The following POGZ variants were observed in gnomAD, a reference collection of about 807,000 sequenced individuals.
POGZ encodes the protein pogo transposable element derived with ZNF domain.
In POGZ, 17 loss-of-function variants were observed where a neutral mutation model predicts 134.6. That is an observed-to-expected ratio of 0.13 (90% CI 0.09 to 0.19). The LOEUF (loss-of-function observed/expected upper bound fraction) is 0.19, where lower values mean the gene tolerates loss of function less well. Ranked by LOEUF, POGZ falls within the 10% of genes least tolerant of loss-of-function variation. POGZ has a pLI of 1.00. For missense variants in POGZ, 1,306 were observed against 1,769.7 expected (o/e 0.74, Z 4.70); for synonymous variants, 693 against 657.1 (o/e 1.05, Z -0.84).
In POGZ at chr1:151,406,203, A is replaced by G. The variant is rs1175476847; in HGVS notation, c.2832T>C (p.Asp944=). Residue 944 remains aspartate, a synonymous_variant, in exon 19 of 19, where the codon GAT becomes GAC. Transcript: ENST00000271715. ...TEGAECLNVD[D]QDEGSPVTQE... ...GGGTGACTGGGCTCCCTTCATCCTG[A>G]TCATCAACATTCAGACATTCGGCTC... The G allele has an allele frequency of 6.2e-7, 1 of 1,613,984 alleles. No homozygotes were observed. Among genetic ancestry groups the G allele is most frequent in the Non-Finnish European group, 8.5e-7 (1 of 1,180,030 alleles).
At chr1:151,411,433 G>A (rs1654651118) in intron 12 of POGZ, among the ~76,000 whole-genome samples, 192 bp downstream of exon 12, 3 of 152,082 alleles carry the variant, frequency 2.0e-5, no homozygotes, top group Admixed American at 1.3e-4. Flanking sequence ...TGTATTGTTT[G>A]CCTTGTTTAC....
chr1:151,456,629 T>A (rs1291656340), intron 1 of POGZ, among the ~76,000 whole-genome samples: 1 of 152,198 alleles, frequency 6.6e-6, no homozygotes, highest in Admixed American at 6.5e-5. Context: ...TTCTTAAAAA[T>A]TAAAAAGACA....
chr1:151,443,001 G>A (rs185897285), intron 1 of POGZ, among the ~76,000 whole-genome samples: 76 of 152,290 alleles, frequency 5.0e-4, no homozygotes, highest in African/African-American at 1.7e-3. Flanking sequence ...CTGCACTCCA[G>A]CCTGGGCAAT....
intron 1 of POGZ, among the ~76,000 whole-genome samples, chr1:151,454,568 C>T (rs1662544346): frequency 1.3e-5 from 2 of 152,048 alleles, no homozygotes; most frequent in Admixed American, 1.3e-4. Context: ...CAAGAAACAC[C>T]CAAATATTTA....
chr1:151,417,564 G>A (rs1178632764), intron 10 of POGZ, among the ~76,000 whole-genome samples: 1 of 151,140 alleles, frequency 6.6e-6, no homozygotes, highest in African/African-American at 2.4e-5. Flanking sequence ...GTTTCACCAC[G>A]TTGGCCAGGC....
intron 3 of POGZ, among the ~76,000 whole-genome samples, chr1:151,437,138 G>T (rs1393039268): frequency 6.6e-6 from 1 of 151,808 alleles, no homozygotes; most frequent in East Asian, 1.9e-4. Flanking sequence ...AGGCTGCAGT[G>T]AGCCGAGATT....
chr1:151,449,788 C>A (rs376517847), intron 1 of POGZ, among the ~76,000 whole-genome samples: 10 of 151,984 alleles, frequency 6.6e-5, no homozygotes, highest in Admixed American at 5.2e-4. Context: ...CCCAGCTACT[C>A]GGGAGGCTGG....
chr1:151,450,023 A>ATTTTTTTTT (rs1171783071), intron 1 of POGZ, among the ~76,000 whole-genome samples: 1 of 74,326 alleles, frequency 1.3e-5, no homozygotes, highest in Non-Finnish European at 2.4e-5. Flanking sequence ...GTGAAACTTG[A>ATTTTTTTTT]TTTTTTTTTT....
In POGZ at chr1:151,425,031, T is replaced by C. The variant is rs1465731262; in HGVS notation, c.1109A>G (p.Gln370Arg). The C allele has an allele frequency of 6.3e-7, 1 of 1,590,962 alleles. No homozygotes were observed. The highest frequency in any genetic ancestry group is 8.6e-7 in the Non-Finnish European group (1 of 1,163,172). ...VTSSIPVFDL[Q>R]DGGRKICPRC... ...TGGACATATTTTCCGTCCACCATCC[T>C]GGAGGTCAAATACTGGGATGGAAGA... The change falls in exon 8 of 19, where the codon CAG becomes CGG. Residue 370 changes from glutamine (Q) to arginine (R), a missense_variant. Around this residue, in one of 10 missense-constraint regions of POGZ, gnomAD observed 541 missense variants for 680.5 expected, o/e 0.80. Coordinates refer to ENST00000271715, the MANE Select transcript of POGZ (RefSeq NM_015100.4).
chr1:151,410,336 ATG>A (rs1403004151), intron 12 of POGZ, among the ~76,000 whole-genome samples: 2 of 152,228 alleles, frequency 1.3e-5, no homozygotes, highest in Non-Finnish European at 2.9e-5. Flanking sequence ...TTCTGCTGAA[ATG>A]TGACTTCCAC....
At chr1:151,441,940 G>C (rs1236819348) in intron 2 of POGZ, 141 bp downstream of exon 2, 2 of 580,492 alleles carry the variant, frequency 3.4e-6, no homozygotes, top group Non-Finnish European at 6.0e-6. Context: ...CTAGAGCATG[G>C]GAAAAAAGGC....
rs772753679 is a variant in POGZ at position 151,411,675 on chromosome 1, T to C, written c.1876A>G (p.Lys626Glu). The change falls in exon 12 of 19, where the codon AAG (lysine) becomes GAG (glutamate). Residue 626 changes from lysine (K) to glutamate (E), a missense_variant. By Grantham distance (56) the Lys-to-Glu change is moderately conservative (BLOSUM62 1). This residue lies in a region of POGZ where 149 missense variants were observed against 237.5 expected (regional missense o/e 0.63). Coordinates refer to ENST00000271715, the MANE Select transcript of POGZ (RefSeq NM_015100.4). The part of the protein sequence containing the change: ...TRHLLCPYCL[K>E]VFKNGNAFQQ... The stretch of plus-strand genomic sequence containing the variant: ...AATGCATTGCCATTTTTGAAGACCT[T>C]CAGGCAATAAGGGCAGAGCAGATGC... 2 of 1,613,550 alleles carry C rather than the reference T, an allele frequency of 1.2e-6. No individual in the cohort carries two copies. The highest frequency in any genetic ancestry group is 1.7e-6 in the Non-Finnish European group (2 of 1,179,772).
intron 1 of POGZ, among the ~76,000 whole-genome samples, chr1:151,444,487 A>C (rs903392593): frequency 2.0e-5 from 3 of 152,344 alleles, no homozygotes; most frequent in African/African-American, 7.2e-5. Flanking sequence ...TTAATGCGCA[A>C]ATATCCAACA....
chr1:151,448,341 G>A (rs1557948524), intron 1 of POGZ, among the ~76,000 whole-genome samples: 2 of 152,106 alleles, frequency 1.3e-5, no homozygotes, highest in Non-Finnish European at 2.9e-5. Flanking sequence ...GCTGGGTGTG[G>A]TGGCTCACAT....
intron 10 of POGZ, among the ~76,000 whole-genome samples, chr1:151,413,534 T>C (rs536696564): frequency 8.5e-5 from 13 of 152,284 alleles, no homozygotes; most frequent in Admixed American, 7.8e-4. Flanking sequence ...TTTCAAGTTT[T>C]TGCAAATATG....
chr1:151,429,307 T>C (rs1254726837), intron 5 of POGZ: 10 of 183,854 alleles, frequency 5.4e-5, no homozygotes, highest in East Asian at 2.6e-4. Context: ...ATTTATGAGT[T>C]TGCATTAATA....
rs946631671 is a variant in POGZ, at chr1:151,405,805, A to C, written c.3230T>G (p.Leu1077Arg). The change falls in exon 19 of 19, where the codon CTG becomes CGG. Residue 1077 changes from leucine to arginine, a missense_variant. Leu to Arg is a moderately radical substitution (Grantham distance 102, BLOSUM62 -2). Transcript: ENST00000271715. The surrounding 1 kb of genome is among the most constrained non-coding windows in gnomAD (Gnocchi z 4.9). ...ISYEWAVRFM[L>R]RHHLTPHARR... ...GGCATGGGGAGTCAGGTGGTGCCGC[A>C]GCATGAAACGCACAGCCCACTCATA... is the stretch of plus-strand genomic sequence containing the variant. The C allele has an allele frequency of 1.2e-6, 2 of 1,614,068 alleles. No homozygotes were observed. Among genetic ancestry groups the C allele is most frequent in the Non-Finnish European group, 1.7e-6 (2 of 1,180,028 alleles).
rs529892978 is a variant in POGZ at position 151,418,715 on chromosome 1, A to G, written c.1678+4682T>C. On this transcript the variant is annotated intron_variant, in intron 10 of 18. Transcript: ENST00000271715. ...AAACCATGTACACCTATTATGCATC[A>G]ATTCTTTTTTTTGAAAAAGCTACTT... Among the ~76,000 whole-genome samples, 9 of 152,256 alleles carry G rather than the reference A, an allele frequency of 5.9e-5. No homozygotes were observed. The East Asian group carries it at 1.7e-3, about 29-fold the overall frequency.
At position 151,403,377 on chromosome 1, in the gene POGZ, TA is replaced by T; in HGVS notation, c.*1424del. 3 of 985,436 alleles carry T rather than the reference TA, an allele frequency of 3.0e-6. No individual in the cohort carries two copies. The highest frequency in any genetic ancestry group is 3.6e-6 in the Non-Finnish European group (3 of 829,576). The allele number at this position is 985,436 out of a possible 1,614,324, so 61.0% of individuals were successfully genotyped here. A position where few individuals can be genotyped will look rare whatever the true frequency, so the allele number is the denominator to read the frequency against. The stretch of plus-strand genomic sequence containing the variant: ...ATAAATCCATTTCCCCTCATTTTAT[TA>T]AATGTTCCACTTATGTACATTTTAA... On this transcript the variant is annotated 3_prime_UTR_variant, in exon 19 of 19. Coordinates refer to ENST00000271715, the MANE Select transcript of POGZ (RefSeq NM_015100.4).
Sources: allele counts gnomAD v4.1 joint callset (sites outside exome capture counted in the v4.1 genomes callset), GRCh38; gene constraint gnomAD v4.1.1; regional missense constraint gnomAD v4.1.1; non-coding constraint Gnocchi (gnomAD v3.1); transcripts MANE v1.5; gene names NCBI Gene and HGNC (gene_info 2026-07-23, HGNC 2026-07-21).